The following FREM1 variants were observed in gnomAD, a reference collection of about 807,000 sequenced individuals.
FREM1 encodes the protein FRAS1 related extracellular matrix 1, also known as FRAS1-related extracellular matrix protein 1.
A neutral mutation model predicts 210.1 loss-of-function variants in FREM1; 220 were observed. The observed-to-expected ratio is 1.05, with a 90% CI of 0.94 to 1.17. FREM1 has a LOEUF of 1.17. FREM1 is among the 50% of genes most tolerant of loss of function. The pLI, the probability that FREM1 is intolerant of heterozygous loss-of-function variation, is 0.00. For synonymous variants in FREM1, 1,189 were observed against 980.2 expected (o/e 1.21, Z -3.98); for missense variants, 3,454 against 2,675.5 (o/e 1.29, Z -6.42).
At chr9:14,821,993 G>C (rs984456925) in intron 13 of FREM1, among the ~76,000 whole-genome samples, 14 of 152,184 alleles carry the variant, frequency 9.2e-5, no homozygotes, top group Admixed American at 7.9e-4. Context: ...GATGGGGCCA[G>C]GTGGAGATAA....
intron 1 of FREM1, among the ~76,000 whole-genome samples, chr9:14,896,758 T>A (rs1044835163): frequency 4.6e-5 from 7 of 152,176 alleles, no homozygotes; most frequent in Non-Finnish European, 8.8e-5. Flanking sequence ...TGTGATAGCA[T>A]AGGAGCAAAA....
In FREM1 at chr9:14,737,487, C is replaced by G. The variant is rs1437768997; in HGVS notation, c.6449G>C (p.Ser2150Thr). Residue 2150 changes from serine (S) to threonine (T), a missense_variant, in exon 37 of 37, where the codon AGC becomes ACC. Ser to Thr is a moderately conservative substitution (Grantham distance 58). Coordinates refer to ENST00000380880, the MANE Select transcript of FREM1 (RefSeq NM_001379081.2). ...GPSQRSKLGK[S>T]CVLVQRQGKW... ...CCCTTGTCTTTGAACCAAAACACAGCTCTTTCCAAGCTTGGAGCGTTGAGA... is the reference window on the plus strand; with the variant it reads ...CCCTTGTCTTTGAACCAAAACACAGGTCTTTCCAAGCTTGGAGCGTTGAGA... The G allele has an allele frequency of 1.2e-6, 2 of 1,613,830 alleles. No homozygotes were observed. Among genetic ancestry groups the G allele is most frequent in the Admixed American group, 1.7e-5 (1 of 60,016 alleles).
intron 3 of FREM1, among the ~76,000 whole-genome samples, chr9:14,862,485 AT>A (rs1187793761): frequency 1.5e-4 from 23 of 152,236 alleles, no homozygotes; most frequent in African/African-American, 5.1e-4. Flanking sequence ...GTGAGCTTAA[AT>A]TTAAAATTAA....
intron 14 of FREM1, among the ~76,000 whole-genome samples, chr9:14,817,614 C>T (rs2130661055): frequency 6.6e-6 from 1 of 152,194 alleles, no homozygotes; most frequent in Middle Eastern, 3.4e-3. Flanking sequence ...AAATTTTAAA[C>T]ATATCAATGA....
chr9:14,891,113 T>C (rs1021732328), intron 1 of FREM1, among the ~76,000 whole-genome samples: 14 of 152,190 alleles, frequency 9.2e-5, no homozygotes, highest in Admixed American at 7.9e-4. Flanking sequence ...ATTTTCCTCT[T>C]CTTGAGTGAA....
At chr9:14,848,627 C>G in intron 7 of FREM1, 38 bp downstream of exon 7, 1 of 1,223,134 alleles carries the variant, frequency 8.2e-7, no homozygotes, top group East Asian at 2.3e-5. Flanking sequence ...GTATTCCCTT[C>G]AGGGCTATGT....
chr9:14,739,467 T>TTC (rs1411407240), intron 36 of FREM1, among the ~76,000 whole-genome samples: 3 of 111,836 alleles, frequency 2.7e-5, no homozygotes, highest in Admixed American at 8.7e-5. Context: ...TATATATATA[T>TTC]ATATATATAA....
At chr9:14,740,030 T>G in intron 36 of FREM1, 119 bp downstream of exon 36, 1 of 541,224 alleles carries the variant, frequency 1.8e-6, no homozygotes, top group South Asian at 4.1e-5. Flanking sequence ...ATCTATTGGT[T>G]GCCTATTATT....
intron 1 of FREM1, among the ~76,000 whole-genome samples, chr9:14,891,823 T>C (rs1199530640): frequency 6.6e-6 from 1 of 151,522 alleles, no homozygotes; most frequent in Non-Finnish European, 1.5e-5. Context: ...AAGCAAGGAG[T>C]TTTTGTGAGA....
chr9:14,890,036 G>C (rs1836515841), intron 1 of FREM1, among the ~76,000 whole-genome samples: 1 of 152,222 alleles, frequency 6.6e-6, no homozygotes, highest in Non-Finnish European at 1.5e-5. Context: ...CATTCTTGGA[G>C]CTAAGGATAC....
rs775439858 is a variant in FREM1, at chr9:14,846,050, C to G, written c.1303G>C (p.Glu435Gln). The change falls in exon 8 of 37, where the codon GAA becomes CAA. Residue 435 changes from glutamate to glutamine, a missense_variant. Glu to Gln is a conservative substitution (Grantham distance 29). Coordinates refer to ENST00000380880, the MANE Select transcript of FREM1 (RefSeq NM_001379081.2). ...TCATTGTCGACAACCTGAAACTGTT[C>G]CCAAGTGATGGCTCGAGACTGCCCC... The part of the protein sequence containing the change: ...LEGQSRAITW[E>Q]QFQVVDNDDI... 1 of 1,603,430 alleles carries G rather than the reference C, an allele frequency of 6.2e-7. No homozygotes were observed. The highest frequency in any genetic ancestry group is 8.5e-7 in the Non-Finnish European group (1 of 1,174,450).
intron 1 of FREM1, among the ~76,000 whole-genome samples, chr9:14,874,435 CTCTT>C (rs1833309395): frequency 6.7e-6 from 1 of 150,074 alleles, no homozygotes. Context: ...CCTTCTTTGT[CTCTT>C]TTGATCTTTG....
intron 23 of FREM1, among the ~76,000 whole-genome samples, chr9:14,788,128 G>C (rs1285773937): frequency 6.6e-6 from 1 of 152,110 alleles, no homozygotes; most frequent in East Asian, 1.9e-4. Context: ...AGTCAATCAA[G>C]CATGTACTGA....
chr9:14,745,975 A>G (rs1014867264), intron 35 of FREM1, among the ~76,000 whole-genome samples: 1 of 147,434 alleles, frequency 6.8e-6, no homozygotes, highest in Admixed American at 6.8e-5. Flanking sequence ...CTTATCACAT[A>G]AAAAAAGAAA....
chr9:14,748,278 A>G, intron 31 of FREM1, 123 bp downstream of exon 31: 1 of 645,048 alleles, frequency 1.6e-6, no homozygotes, highest in Admixed American at 2.9e-5. Flanking sequence ...GCAAGGAACC[A>G]TGGCCCCCAC....
At position 14,905,283 on chromosome 9, in the gene FREM1, T is replaced by G. The variant is rs1309592548; in HGVS notation, c.-268+4631A>C. Among the ~76,000 whole-genome samples the G allele has an allele frequency of 2.0e-5, 3 of 151,300 alleles. No homozygotes were observed. In the East Asian group the frequency reaches 5.8e-4, roughly 29 times the overall value. The stretch of plus-strand genomic sequence containing the variant: ...TTAAAATGGTGAGAGAGAGAGAGAG[T>G]GCACACTCCTCCACATGTTTGAATG... On this transcript the variant is annotated intron_variant, in intron 1 of 36. Coordinates refer to ENST00000380880, the MANE Select transcript of FREM1 (RefSeq NM_001379081.2).
intron 10 of FREM1, among the ~76,000 whole-genome samples, chr9:14,834,534 G>A (rs991851744): frequency 4.6e-5 from 7 of 152,164 alleles, no homozygotes; most frequent in Middle Eastern, 3.4e-3. Context: ...GCTTTAAACC[G>A]AATTTTCATA....
chr9:14,857,120 A>G (rs1828904684), intron 5 of FREM1, among the ~76,000 whole-genome samples: 1 of 152,150 alleles, frequency 6.6e-6, no homozygotes, highest in South Asian at 2.1e-4. Context: ...TGTGACAAAC[A>G]TAACCATGGG....
chr9:14,872,319 T>G lies in FREM1; in HGVS notation c.-267-3075A>C, dbSNP rs1832830008. On this transcript the variant is annotated intron_variant, in intron 1 of 36. Coordinates refer to ENST00000380880, the MANE Select transcript of FREM1 (RefSeq NM_001379081.2). ...CCATGAGCATGGAATGTTCTTCCATTTCTTTGTATCCTCTTTTATTTCATT... is the reference window on the plus strand; with the variant it reads ...CCATGAGCATGGAATGTTCTTCCATGTCTTTGTATCCTCTTTTATTTCATT... 4.6e-5 allele frequency among the ~76,000 whole-genome samples: 7 copies of G among 152,316 alleles called. No individual in the cohort carries two copies. In the South Asian group the frequency reaches 1.5e-3, roughly 32 times the overall value.
Sources: gnomAD v4.1 joint callset for allele counts (sites outside exome capture counted in the v4.1 genomes callset) on GRCh38, gnomAD v4.1.1 for gene constraint, MANE v1.5 for transcripts, NCBI Gene and HGNC (gene_info 2026-07-23, HGNC 2026-07-21) for gene names.